Variants in GCH1 observed in about 807,000 individuals in gnomAD.
GCH1 encodes GTP cyclohydrolase 1, also known as GTP cyclohydrolase I.
Under a neutral mutation model 25.9 loss-of-function variants are expected in GCH1, and 5 were observed. The observed-to-expected ratio is 0.19, with a 90% CI of 0.10 to 0.41. The LOEUF is 0.41. Ranked by LOEUF, GCH1 falls within the 10% of genes least tolerant of loss-of-function variation. GCH1 has a pLI of 1.00. For synonymous variants in GCH1, 159 were observed against 129.6 expected, an observed-to-expected ratio of 1.23 and a Z score of -1.54; for missense variants, 261 against 336.5, an observed-to-expected ratio of 0.78 and a Z score of 1.75.
chr14:54,848,444 C>T (rs1274350714), intron 3 of GCH1, among the ~76,000 whole-genome samples: 2 of 152,104 alleles, frequency 1.3e-5, no homozygotes, highest in Non-Finnish European at 2.9e-5. Context: ...CAGAATTTTC[C>T]CCTTTCAACA....
In GCH1 at chr14:54,843,525, A is replaced by T; in HGVS notation, c.*492T>A. The T allele has an allele frequency of 7.5e-7, 1 of 1,328,858 alleles. No individual in the cohort carries two copies. Among genetic ancestry groups the T allele is most frequent in the African/African-American group, 1.5e-5 (1 of 67,436 alleles). The allele number at this position is 1,328,858 out of a possible 1,614,324, so 82.3% of individuals were successfully genotyped here. A position where few individuals can be genotyped will look rare whatever the true frequency, so the allele number is the denominator to read the frequency against. Reference sequence around the variant, plus strand: ...ATTTTTAAATGTCACTGGTGGTTTAATAAACATGACCAAAGTGAAGTCTGT... The same window carrying T: ...ATTTTTAAATGTCACTGGTGGTTTATTAAACATGACCAAAGTGAAGTCTGT... On this transcript the variant is annotated 3_prime_UTR_variant, in exon 6 of 6. Coordinates refer to ENST00000491895, the MANE Select transcript of GCH1 (RefSeq NM_000161.3).
In GCH1 at chr14:54,888,911, T is replaced by C. The variant is rs536168798; in HGVS notation, c.343+13410A>G. Among the ~76,000 whole-genome samples, 9 of 152,314 alleles carry C rather than the reference T, an allele frequency of 5.9e-5. No homozygotes were observed. In the South Asian group the frequency reaches 8.3e-4, roughly 14 times the overall value. On this transcript the variant is annotated intron_variant, in intron 1 of 5. Coordinates refer to ENST00000491895, the MANE Select transcript of GCH1 (RefSeq NM_000161.3). ...ACATGCTAAATATGAAGCTGAAAGATGTGCATCTACTTTTTATAAACTACT... is the reference window on the plus strand; with the variant it reads ...ACATGCTAAATATGAAGCTGAAAGACGTGCATCTACTTTTTATAAACTACT...
intron 2 of GCH1, among the ~76,000 whole-genome samples, chr14:54,862,372 C>T (rs1484485907): frequency 2.2e-5 from 3 of 138,800 alleles, no homozygotes; most frequent in Middle Eastern, 7.2e-3. Flanking sequence ...CCTTATGAAG[C>T]ACTACTCTTT....
rs148193231 is a variant in GCH1 at position 54,862,096 on chromosome 14, A to G, written c.454-2360T>C. 3.4e-4 allele frequency among the ~76,000 whole-genome samples: 52 copies of G among 152,296 alleles called. No individual in the cohort carries two copies. The East Asian group carries it at 8.5e-3, about 25-fold the overall frequency. The stretch of plus-strand genomic sequence containing the variant: ...CAGGTTGGGGTACAGTGGCATGATC[A>G]TAGTTCACTGTAACCTGAAACTCCT... On this transcript the variant is annotated intron_variant, in intron 2 of 5. Transcript: ENST00000491895.
intron 1 of GCH1, 147 bp from the exon 2 acceptor site, chr14:54,865,583 T>G (rs1218680891): frequency 6.2e-6 from 4 of 646,470 alleles, no homozygotes; most frequent in East Asian, 5.6e-5. Flanking sequence ...ATATTTTTCC[T>G]TATCAAAGTA....
chr14:54,858,725 CCA>C (rs199807806), intron 3 of GCH1, among the ~76,000 whole-genome samples: 3 of 151,104 alleles, frequency 2.0e-5, no homozygotes, highest in African/African-American at 4.8e-5. Context: ...CTCTCTCTCT[CCA>C]CACACACACA....
chr14:54,844,158 AAC>A lies in GCH1; in HGVS notation c.627-17_627-16del. The A allele has an allele frequency of 6.3e-7, 1 of 1,590,018 alleles. No individual in the cohort carries two copies. Among genetic ancestry groups the A allele is most frequent in the Non-Finnish European group, 8.6e-7 (1 of 1,158,074 alleles). On this transcript the variant is annotated splice_polypyrimidine_tract_variant and intron_variant, in intron 5 of 5. Transcript: ENST00000491895. ...TACACATGTGTCTACAAAATAAGGC[AAC>A]ACAGGTTGTTTAAAGGAGTAGACAG...
intron 1 of GCH1, among the ~76,000 whole-genome samples, chr14:54,873,831 T>C (rs995552547): frequency 1.3e-5 from 2 of 152,008 alleles, no homozygotes; most frequent in Admixed American, 1.3e-4. Flanking sequence ...AATAACAGGC[T>C]CTGAAATTGA....
At chr14:54,892,790 T>C (rs548050499) in intron 1 of GCH1, among the ~76,000 whole-genome samples, 1 of 152,170 alleles carries the variant, frequency 6.6e-6, no homozygotes, top group East Asian at 1.9e-4. Context: ...AAACATTGTA[T>C]GTTTCCGGCC....
intron 1 of GCH1, among the ~76,000 whole-genome samples, chr14:54,883,434 C>G (rs1022273759): frequency 1.4e-5 from 2 of 144,882 alleles, no homozygotes; most frequent in African/African-American, 5.1e-5. Flanking sequence ...AATCCCAGCA[C>G]TTTGGGAGGC....
At chr14:54,880,837 TATATATACTCCATATATATATACTCCATA>T (rs2040259939) in intron 1 of GCH1, among the ~76,000 whole-genome samples, 1 of 100,442 alleles carries the variant, frequency 1.0e-5, no homozygotes, top group Non-Finnish European at 1.8e-5. Context: ...ACTCCATATA[TATATATACTCCATATATATATACTCCATA>T]ATATATGGAG....
intron 2 of GCH1, among the ~76,000 whole-genome samples, chr14:54,862,759 C>T (rs887822045): frequency 4.0e-5 from 6 of 151,308 alleles, no homozygotes; most frequent in East Asian, 3.9e-4. Flanking sequence ...CCAGCCCTTA[C>T]GAACTACTTT....
At chr14:54,896,721 G>C (rs1416351731) in intron 1 of GCH1, among the ~76,000 whole-genome samples, 1 of 151,216 alleles carries the variant, frequency 6.6e-6, no homozygotes, top group Non-Finnish European at 1.5e-5. Flanking sequence ...GACCATCCTG[G>C]CTAACACGGT....
intron 3 of GCH1, among the ~76,000 whole-genome samples, chr14:54,850,764 T>C (rs2039717640): frequency 6.6e-6 from 1 of 152,164 alleles, no homozygotes; most frequent in Non-Finnish European, 1.5e-5. Flanking sequence ...TTGCTCAGAA[T>C]GATGGTTTCC....
chr14:54,902,247 T>C (rs868691654), intron 1 of GCH1, 74 bp downstream of exon 1: 8 of 1,511,276 alleles, frequency 5.3e-6, no homozygotes, highest in Middle Eastern at 2.3e-4. Flanking sequence ...GGAAACTTCC[T>C]GGAGCCGGCG....
chr14:54,874,894 A>G (rs1296664258), intron 1 of GCH1, among the ~76,000 whole-genome samples: 2 of 152,174 alleles, frequency 1.3e-5, no homozygotes, highest in Non-Finnish European at 2.9e-5. Flanking sequence ...AAGAATCAAT[A>G]TCGCGAAAAT....
intron 1 of GCH1, among the ~76,000 whole-genome samples, chr14:54,894,561 G>C (rs2040461438): frequency 6.6e-6 from 1 of 152,104 alleles, no homozygotes; most frequent in Admixed American, 6.6e-5. Flanking sequence ...CCAACCTGAA[G>C]GCTTTGCTTG....
chr14:54,885,129 G>T, intron 1 of GCH1: 1 of 273,360 alleles, frequency 3.7e-6, no homozygotes, highest in South Asian at 4.7e-5. Flanking sequence ...TGCCAGTGGT[G>T]ACAGTAGGGT....
At chr14:54,850,163 AG>A (rs2039704861) in intron 3 of GCH1, among the ~76,000 whole-genome samples, 1 of 151,996 alleles carries the variant, frequency 6.6e-6, no homozygotes, top group African/African-American at 2.4e-5. Context: ...TAGTAGAGAC[AG>A]GGTTTCACCA....
Sources: gnomAD v4.1 joint callset for allele counts (sites outside exome capture counted in the v4.1 genomes callset) on GRCh38, gnomAD v4.1.1 for gene constraint, MANE v1.5 for transcripts, NCBI Gene and HGNC (gene_info 2026-07-23, HGNC 2026-07-21) for gene names.